CATSPERG: variants seen among roughly 807,000 people sequenced by gnomAD.
CATSPERG encodes catsper channel auxiliary subunit gamma.
In CATSPERG, 115 loss-of-function variants were observed where a neutral mutation model predicts 145.0. That is an observed-to-expected ratio of 0.79 (90% CI 0.68 to 0.93). CATSPERG has a LOEUF of 0.93. Ranked by LOEUF, CATSPERG falls within the 40% of genes least tolerant of loss-of-function variation. The pLI, the probability that CATSPERG is intolerant of heterozygous loss-of-function variation, is 0.00. For missense variants in CATSPERG, 1,296 were observed against 1,490.1 expected (o/e 0.87, Z 2.14); for synonymous variants, 588 against 589.0 (o/e 1.00, Z 0.02).
chr19:38,352,342 A>T lies in CATSPERG; in HGVS notation c.907A>T (p.Thr303Ser). 1 of 1,551,616 alleles carries T rather than the reference A, an allele frequency of 6.4e-7. No individual in the cohort carries two copies. The highest frequency in any genetic ancestry group is 1.2e-5 in the South Asian group (1 of 84,066). The change falls in exon 8 of 29, where the codon ACC becomes TCC. Residue 303 changes from threonine (T) to serine (S), a missense_variant. Physicochemically the swap from Thr to Ser is moderately conservative, Grantham distance 58 (BLOSUM62 1). Coordinates refer to ENST00000409235, the MANE Select transcript of CATSPERG (RefSeq NM_021185.5). Reference sequence around the variant, plus strand: ...AGCCACCATCTATGACACTATTGCCACCGAGAGCACCCTCTTCATTCGGCA... The same window carrying T: ...AGCCACCATCTATGACACTATTGCCTCCGAGAGCACCCTCTTCATTCGGCA... ...FTATIYDTIA[T>S]ESTLFIRQNQ...
At chr19:38,342,938 G>A (rs945186952) in intron 3 of CATSPERG, among the ~76,000 whole-genome samples, 4 of 152,062 alleles carry the variant, frequency 2.6e-5, no homozygotes, top group African/African-American at 9.7e-5. Flanking sequence ...CCCTTCCTGT[G>A]TAATCGCCCC....
At chr19:38,370,109 G>C (rs760766010) in intron 27 of CATSPERG, 45 bp downstream of exon 27, 12 of 1,613,410 alleles carry the variant, frequency 7.4e-6, no homozygotes, top group Non-Finnish European at 1.0e-5. Flanking sequence ...GGCTGCCCAT[G>C]GAATGCCTGG....
intron 22 of CATSPERG, chr19:38,365,753 G>C (rs1427668820): frequency 2.7e-5 from 4 of 149,812 alleles, no homozygotes; most frequent in Non-Finnish European, 5.9e-5. Flanking sequence ...TGTCCCCCAG[G>C]CTGGAGTGCA....
At chr19:38,368,211 C>A in intron 26 of CATSPERG, 74 bp downstream of exon 26, 1 of 1,302,006 alleles carries the variant, frequency 7.7e-7, no homozygotes, top group Admixed American at 1.7e-5. Context: ...CTTTCTGCCC[C>A]TAGGAGGCCT....
chr19:38,366,945 C>T (rs149172455), intron 22 of CATSPERG: 9,723 of 557,964 alleles, frequency 0.017, 132 homozygotes, highest in Non-Finnish European at 0.021. Context: ...CAGCCCGCCT[C>T]GGCCTCCCGA....
intron 14 of CATSPERG, 74 bp from the exon 15 acceptor site, chr19:38,360,415 C>G: frequency 6.3e-7 from 1 of 1,584,546 alleles, no homozygotes; most frequent in South Asian, 1.1e-5. Context: ...GGCCACCACA[C>G]TGGGCAGAGG....
intron 22 of CATSPERG, 72 bp from the exon 23 acceptor site, chr19:38,367,084 C>A: frequency 7.0e-7 from 1 of 1,436,328 alleles, no homozygotes; most frequent in Non-Finnish European, 9.3e-7. Context: ...GACTGTCCTT[C>A]CTGCCCCTTA....
rs765598968 is a variant in CATSPERG, at chr19:38,358,316, T to TC, written c.1354_1355insC (p.Phe452SerfsTer4). ...GGAACTTCTCTACCACATCCCAGAA[T>TC]TCATCCCTGAAGGTAGGAAGGGAAG... is the stretch of plus-strand genomic sequence containing the variant. On this transcript the variant is annotated frameshift_variant, in exon 12 of 29. Coordinates refer to ENST00000409235, the MANE Select transcript of CATSPERG (RefSeq NM_021185.5). LOFTEE classifies it high-confidence loss of function. The TC allele has an allele frequency of 4.2e-5, 68 of 1,614,030 alleles. No individual in the cohort carries two copies. Among genetic ancestry groups the TC allele is most frequent in the Non-Finnish European group, 5.4e-5 (64 of 1,180,016 alleles).
intron 25 of CATSPERG, 106 bp downstream of exon 25, chr19:38,367,882 C>A: frequency 1.6e-6 from 2 of 1,226,668 alleles, no homozygotes; most frequent in South Asian, 1.3e-5. Flanking sequence ...GCGTCTCAGG[C>A]CCTGCCCACA....
At position 38,337,488 on chromosome 19, in the gene CATSPERG, C is replaced by T. The variant is rs771095619; in HGVS notation, c.254C>T (p.Pro85Leu). 3 of 1,552,014 alleles carry T rather than the reference C, an allele frequency of 1.9e-6. No individual in the cohort carries two copies. Among genetic ancestry groups the T allele is most frequent in the Non-Finnish European group, 2.6e-6 (3 of 1,147,080 alleles). ...TTGTTTCACATGCTGGTGGACTCAC[C>T]CATCGACCCGAGCGAGGTGAGGGGA... ...SSLFHMLVDSPIDPSEKYLGF... is the reference protein window; with the variant it reads ...SSLFHMLVDSLIDPSEKYLGF... Residue 85 changes from proline to leucine, a missense_variant, in exon 2 of 29, where the codon CCC (proline) becomes CTC (leucine). By Grantham distance (98) the Pro-to-Leu change is moderately conservative. Transcript: ENST00000409235.
chr19:38,365,380 C>T, intron 22 of CATSPERG: 1 of 409,734 alleles, frequency 2.4e-6, no homozygotes, highest in Non-Finnish European at 4.5e-6. Context: ...AAGTGATTCT[C>T]CTGCCTCAGC....
chr19:38,366,238 C>T (rs1970446762), intron 22 of CATSPERG: 1 of 152,250 alleles, frequency 6.6e-6, no homozygotes, highest in Admixed American at 6.6e-5. Flanking sequence ...AGGGGCGTGC[C>T]CCAGAGTTCT....
chr19:38,366,507 G>A (rs541455826), intron 22 of CATSPERG: 1 of 152,666 alleles, frequency 6.6e-6, no homozygotes, highest in African/African-American at 2.4e-5. Flanking sequence ...CATGGTATGT[G>A]AGCTGGCTCC....
At chr19:38,360,957 TATGATGGCAGGAGTTCAGCACTTA>T in intron 16 of CATSPERG, 114 bp downstream of exon 16, 2 of 861,442 alleles carry the variant, frequency 2.3e-6, no homozygotes, top group Non-Finnish European at 3.7e-6. Flanking sequence ...ACCTCAGGGC[TATGATGGCAGGAGTTCAGCACTTA>T]TGGAAGCTCA....
intron 8 of CATSPERG, among the ~76,000 whole-genome samples, chr19:38,353,841 A>G (rs1487596231): frequency 1.3e-5 from 2 of 150,738 alleles, no homozygotes; most frequent in African/African-American, 4.9e-5. Context: ...AAAATACAAA[A>G]ATTAGCTGGG....
At chr19:38,359,426 C>T (rs749915899) in intron 13 of CATSPERG, 44 bp from the exon 14 acceptor site, 14 of 1,295,252 alleles carry the variant, frequency 1.1e-5, no homozygotes, top group Admixed American at 1.7e-5. Context: ...TTGGGGGAAG[C>T]GGCTGTCCAG....
Position 38,362,279 on chromosome 19 carries a change from G to C in CATSPERG, c.2157+7G>C. The C allele has an allele frequency of 6.2e-7, 1 of 1,613,528 alleles. No individual in the cohort carries two copies. The highest frequency in any genetic ancestry group is 8.5e-7 in the Non-Finnish European group (1 of 1,179,712). The stretch of plus-strand genomic sequence containing the variant: ...GAACAACAAACAAGACCAGGTAGGC[G>C]GAGCGGATTGGGAGCCGGGAAAGGG... On this transcript the variant is annotated splice_region_variant and intron_variant, in intron 18 of 28. Coordinates refer to ENST00000409235, the MANE Select transcript of CATSPERG (RefSeq NM_021185.5).
intron 6 of CATSPERG, 97 bp downstream of exon 6, chr19:38,344,465 A>G: frequency 9.5e-7 from 1 of 1,054,148 alleles, no homozygotes; most frequent in Non-Finnish European, 1.4e-6. Context: ...TTTAGGGAGC[A>G]CCAACTTCAT....
intron 9 of CATSPERG, 114 bp downstream of exon 9, chr19:38,354,961 G>A: frequency 2.4e-6 from 3 of 1,233,296 alleles, no homozygotes; most frequent in Non-Finnish European, 3.4e-6. Flanking sequence ...AGGGCCCCTA[G>A]GCTGAGGGTG....
Sources: gnomAD v4.1 joint callset for allele counts (sites outside exome capture counted in the v4.1 genomes callset) on GRCh38, gnomAD v4.1.1 for gene constraint, MANE v1.5 for transcripts, NCBI Gene and HGNC (gene_info 2026-07-23, HGNC 2026-07-21) for gene names.